Variants in CASD1 observed in about 807,000 individuals in gnomAD.
The protein encoded by CASD1 is CAS1 domain sialic acid O acetyltransferase 1, also known as N-acetylneuraminate (7)9-O-acetyltransferase.
CASD1 carries 41 observed loss-of-function variants against 100.0 expected under a neutral mutation model. The ratio of observed to expected loss-of-function variants is 0.41; its 90% CI spans 0.32 to 0.53. The LOEUF (loss-of-function observed/expected upper bound fraction) is 0.53, where lower values mean the gene tolerates loss of function less well. Among genes scored for constraint, CASD1 ranks in the 20% least tolerant of loss-of-function variants. The pLI, the probability that CASD1 is intolerant of heterozygous loss-of-function variation, is 0.25. For missense variants in CASD1, 774 were observed against 948.7 expected (o/e 0.82, Z 2.42); for synonymous variants, 321 against 315.6 (o/e 1.02, Z -0.18).
In CASD1 at chr7:94,522,662, A is replaced by ATT. The variant is rs66505752; in HGVS notation, c.351+4350_351+4351dup. ...TGGAACTTTTTAATTATTTTTATTT[A>ATT]TTTTTTTTTTTTGAGACGGAGTTCT... On this transcript the variant is annotated intron_variant, in intron 3 of 17. Coordinates refer to ENST00000297273, the MANE Select transcript of CASD1 (RefSeq NM_022900.5). 3.9e-3 allele frequency among the ~76,000 whole-genome samples: 580 copies of ATT among 148,106 alleles called. 4 individuals are homozygous for ATT. Among genetic ancestry groups the ATT allele is most frequent in the East Asian group, 0.021 (109 of 5,080 alleles).
At chr7:94,515,498 A>C (rs933317874) in intron 1 of CASD1, among the ~76,000 whole-genome samples, 26 of 151,926 alleles carry the variant, frequency 1.7e-4, no homozygotes, top group African/African-American at 6.3e-4. Context: ...AGATGTGGGT[A>C]ATAGTATTGA....
At position 94,549,630 on chromosome 7, in the gene CASD1, G is replaced by A. The variant is rs148341398; in HGVS notation, c.1811G>A (p.Arg604His). The A allele has an allele frequency of 5.0e-6, 8 of 1,589,558 alleles. No individual in the cohort carries two copies. The African/African-American group carries it at 5.4e-5, about 11-fold the overall frequency. ...TGGTGGTTCAGATGGAGGTTAGACC[G>A]TTATGTATGTATTTACTTTGTGATA... ...YEWWFRWRLD[R>H]YVVFHGMLFA... The change falls in exon 14 of 18, where the codon CGT (arginine) becomes CAT (histidine). Residue 604 changes from arginine to histidine, a missense_variant. Arg to His is a conservative substitution (Grantham distance 29, BLOSUM62 0). Coordinates refer to ENST00000297273, the MANE Select transcript of CASD1 (RefSeq NM_022900.5).
At position 94,528,550 on chromosome 7, in the gene CASD1, C is replaced by T. The variant is rs995381348; in HGVS notation, c.459+300C>T. Among the ~76,000 whole-genome samples the T allele has an allele frequency of 4.6e-5, 7 of 152,158 alleles. No homozygotes were observed. In the East Asian group the frequency reaches 1.3e-3, roughly 29 times the overall value. Reference sequence around the variant, plus strand: ...TTCAGCTGATTCAAACCCAGGTGATCTTCCCAGCACAGTGTATATTCTCTA... The same window carrying T: ...TTCAGCTGATTCAAACCCAGGTGATTTTCCCAGCACAGTGTATATTCTCTA... On this transcript the variant is annotated intron_variant, in intron 5 of 17. Coordinates refer to ENST00000297273, the MANE Select transcript of CASD1 (RefSeq NM_022900.5).
At chr7:94,585,586 C>A in the CASD1 span, 4 of 947,000 alleles carry the variant, frequency 4.2e-6, no homozygotes, top group Non-Finnish European at 7.0e-6. Context: ...TTGAGCAAAG[C>A]AAATTATGGC....
intron 5 of CASD1, among the ~76,000 whole-genome samples, chr7:94,532,314 T>A (rs2116306606): frequency 6.6e-6 from 1 of 152,230 alleles, no homozygotes; most frequent in African/African-American, 2.4e-5. Context: ...TATAACAGTA[T>A]CTCATCATCA....
chr7:94,557,147 A>G (rs1796237359), downstream of CASD1: 1 of 152,102 alleles, frequency 6.6e-6, no homozygotes, highest in Non-Finnish European at 1.5e-5. Flanking sequence ...TTTAGTTATC[A>G]GAGCTTCAGA....
At chr7:94,615,099 G>T in the CASD1 span, among the ~76,000 whole-genome samples, 1 of 152,308 alleles carries the variant, frequency 6.6e-6, no homozygotes, top group African/African-American at 2.4e-5. Flanking sequence ...AGTAGCTCAC[G>T]CCTGTAAGCC....
the CASD1 span, among the ~76,000 whole-genome samples, chr7:94,570,159 G>C: frequency 6.6e-6 from 1 of 151,976 alleles, no homozygotes; most frequent in Non-Finnish European, 1.5e-5. Flanking sequence ...TAAAATACGA[G>C]GATTTACTTC....
intron 14 of CASD1, 92 bp from the exon 15 acceptor site, chr7:94,551,246 A>G: frequency 2.0e-6 from 2 of 977,954 alleles, no homozygotes; most frequent in Admixed American, 3.3e-5. Flanking sequence ...TAACCTACCT[A>G]CTTTTATTCA....
Position 94,509,931 on chromosome 7 carries a change from C to T in CASD1, c.-154C>T. ...AGGCGGAGGTCGGGGGCGCCGCGGC[C>T]GCGGGGTCAGGTTCCCCGGCGGGAG... On this transcript the variant is annotated 5_prime_UTR_variant, in exon 1 of 18. Coordinates refer to ENST00000297273, the MANE Select transcript of CASD1 (RefSeq NM_022900.5). 8.6e-7 allele frequency: 1 copy of T among 1,158,994 alleles called. No individual in the cohort carries two copies. The highest frequency in any genetic ancestry group is 1.1e-6 in the Non-Finnish European group (1 of 935,834). 71.8% of individuals were successfully genotyped at this position (1,158,994 alleles called of 1,614,324 possible). A position where few individuals can be genotyped will look rare whatever the true frequency, so the allele number is the denominator to read the frequency against.
chr7:94,581,842 G>T, the CASD1 span, among the ~76,000 whole-genome samples: 3 of 152,138 alleles, frequency 2.0e-5, no homozygotes, highest in African/African-American at 7.2e-5. Context: ...ACATACATGT[G>T]CATGTATCTT....
chr7:94,619,107 A>G, the CASD1 span: 1 of 657,432 alleles, frequency 1.5e-6, no homozygotes, highest in South Asian at 1.7e-5. Flanking sequence ...TCTGTTTAAC[A>G]GAGGATGTAT....
chr7:94,571,243 A>T, the CASD1 span, among the ~76,000 whole-genome samples: 26,520 of 151,718 alleles, frequency 0.17, 2,363 homozygotes, highest in East Asian at 0.3. Context: ...AGGTCTCCCT[A>T]TGTAGCCCAG....
the CASD1 span, among the ~76,000 whole-genome samples, chr7:94,575,629 ACTGTCAGTAGGACTCC>A: frequency 1.3e-5 from 2 of 152,152 alleles, no homozygotes; most frequent in Non-Finnish European, 2.9e-5. Flanking sequence ...TCTGTCTAAT[ACTGTCAGTAGGACTCC>A]CTTTAATATT....
chr7:94,527,520 A>G (rs890641161), intron 4 of CASD1, among the ~76,000 whole-genome samples: 5 of 151,300 alleles, frequency 3.3e-5, no homozygotes, highest in African/African-American at 9.9e-5. Flanking sequence ...GACCTAATGA[A>G]GATTGCAGGT....
At chr7:94,534,078 T>C (rs1005651340) in intron 7 of CASD1, among the ~76,000 whole-genome samples, 9 of 151,806 alleles carry the variant, frequency 5.9e-5, no homozygotes, top group Non-Finnish European at 5.9e-5. Context: ...AAATGACATG[T>C]GGTATCCCTG....
the CASD1 span, chr7:94,597,078 A>G: frequency 6.6e-6 from 1 of 152,138 alleles, no homozygotes; most frequent in Admixed American, 6.5e-5. Context: ...ATGATGACCC[A>G]TAATAGGTGG....
the CASD1 span, among the ~76,000 whole-genome samples, chr7:94,604,117 G>A: frequency 5.3e-5 from 8 of 152,018 alleles, no homozygotes; most frequent in Admixed American, 3.9e-4. Flanking sequence ...GAATTATGGG[G>A]AAAGATCTCT....
the CASD1 span, among the ~76,000 whole-genome samples, chr7:94,581,532 C>T: frequency 6.6e-6 from 1 of 152,238 alleles, no homozygotes; most frequent in East Asian, 1.9e-4. Flanking sequence ...GTCCTCCCAT[C>T]TCCTGCCCTC....
Sources: gnomAD v4.1 joint callset for allele counts (sites outside exome capture counted in the v4.1 genomes callset) on GRCh38, gnomAD v4.1.1 for gene constraint, MANE v1.5 for transcripts, NCBI Gene and HGNC (gene_info 2026-07-23, HGNC 2026-07-21) for gene names.